Variants in PAQR5 observed in about 807,000 individuals in gnomAD.
PAQR5 encodes membrane progestin receptor gamma.
Under a neutral mutation model 34.5 loss-of-function variants are expected in PAQR5, and 20 were observed. The ratio of observed to expected loss-of-function variants is 0.58; its 90% CI spans 0.41 to 0.84. The LOEUF (loss-of-function observed/expected upper bound fraction) is 0.84. Ranked by LOEUF, PAQR5 falls within the 40% of genes least tolerant of loss-of-function variation. PAQR5 has a pLI of 0.00. For synonymous variants in PAQR5, 131 were observed against 155.6 expected, an observed-to-expected ratio of 0.84 and a Z score of 1.18; for missense variants, 378 against 412.7, an observed-to-expected ratio of 0.92 and a Z score of 0.73.
At chr15:69,345,858 A>G (rs1334646970) in intron 2 of PAQR5, among the ~76,000 whole-genome samples, 4 of 152,224 alleles carry the variant, frequency 2.6e-5, no homozygotes, top group African/African-American at 9.6e-5. Flanking sequence ...GCTTGATGCC[A>G]GGAGTTCAAG....
chr15:69,388,552 C>T (rs569428790), intron 5 of PAQR5, among the ~76,000 whole-genome samples: 5 of 152,204 alleles, frequency 3.3e-5, no homozygotes, highest in South Asian at 2.1e-4. Context: ...ATCTGCTGAG[C>T]GAATGCATCC....
At chr15:69,377,739 CA>C (rs55733912) in intron 3 of PAQR5, among the ~76,000 whole-genome samples, 123,551 of 151,994 alleles carry the variant, frequency 0.81, 52,837 homozygotes, top group Non-Finnish European at 0.96. Context: ...TTCTCAAGGC[CA>C]CATGGCACCT....
chr15:69,326,645 C>T (rs149940907), intron 1 of PAQR5, among the ~76,000 whole-genome samples: 1,790 of 152,248 alleles, frequency 0.012, 26 homozygotes, highest in East Asian at 0.049. Context: ...CCATGTTGGC[C>T]AGGCTGGTCT....
chr15:69,350,469 G>T (rs1269765031), intron 2 of PAQR5, among the ~76,000 whole-genome samples: 1 of 151,848 alleles, frequency 6.6e-6, no homozygotes, highest in Non-Finnish European at 1.5e-5. Flanking sequence ...ATGGTGAAAC[G>T]CTGTCTCTGC....
intron 1 of PAQR5, among the ~76,000 whole-genome samples, chr15:69,327,306 T>A (rs1388331152): frequency 6.6e-6 from 1 of 152,184 alleles, no homozygotes; most frequent in Non-Finnish European, 1.5e-5. Flanking sequence ...CGGATTGTTT[T>A]GTAAACACTT....
chr15:69,389,648 C>G lies in PAQR5; in HGVS notation c.386-6C>G, dbSNP rs756977819. ...TCCTCTCCCAAGGCTGGCTTTTCTT[C>G]CCCAGGCTCAGCCATTGCCTACTCT... On this transcript the variant is annotated splice_region_variant and splice_polypyrimidine_tract_variant and intron_variant, in intron 5 of 8. Transcript: ENST00000395407. 1.2e-6 allele frequency: 2 copies of G among 1,614,084 alleles called. No homozygotes were observed. The highest frequency in any genetic ancestry group is 1.7e-6 in the Non-Finnish European group (2 of 1,179,972).
chr15:69,310,297 G>A (rs1198222181), intron 1 of PAQR5, among the ~76,000 whole-genome samples: 1 of 152,088 alleles, frequency 6.6e-6, no homozygotes, highest in Non-Finnish European at 1.5e-5. Context: ...GGGTATGTGC[G>A]TTTATATTTG....
At chr15:69,312,629 T>C (rs2053857670) in intron 1 of PAQR5, among the ~76,000 whole-genome samples, 1 of 150,544 alleles carries the variant, frequency 6.6e-6, no homozygotes, top group Non-Finnish European at 1.5e-5. Context: ...CCTTCTCCTG[T>C]CCAGTCCCCC....
In PAQR5 at chr15:69,322,754, A is replaced by G. The variant is rs866002018; in HGVS notation, c.-276-14587A>G. 2.0e-3 allele frequency among the ~76,000 whole-genome samples: 58 copies of G among 28,594 alleles called. 7 individuals carry two copies. Among genetic ancestry groups the G allele is most frequent in the Middle Eastern group, 0.013 (1 of 76 alleles). The allele number at this position is 28,594 out of a possible 152,430, so 18.8% of individuals were successfully genotyped here. A position where few individuals can be genotyped will look rare whatever the true frequency, so the allele number is the denominator to read the frequency against. On this transcript the variant is annotated intron_variant, in intron 1 of 8. Coordinates refer to ENST00000395407, the MANE Select transcript of PAQR5 (RefSeq NM_017705.4). ...AAGAAGAAGAAGAAGAAGAAGAAGA[A>G]GAAGAAGAAGAAGAAGAGGGAGAAG...
At chr15:69,374,243 T>C (rs1325579607) in intron 3 of PAQR5, among the ~76,000 whole-genome samples, 1 of 152,210 alleles carries the variant, frequency 6.6e-6, no homozygotes, top group Admixed American at 6.5e-5. Flanking sequence ...GGTGTGCAAT[T>C]GTTGTTTTAT....
Position 69,300,795 on chromosome 15 carries a change from TTTCTTTCC to T in PAQR5, c.-277+1751_-277+1758del, listed in dbSNP as rs2053556091. ...CTCCCTCTCTCTCTCTCTTTCTTTC[TTTCTTTCC>T]TTCTTTCCTTCCTTCCTTCCTTCCT... On this transcript the variant is annotated intron_variant, in intron 1 of 8. Transcript: ENST00000395407. Among the ~76,000 whole-genome samples the T allele has an allele frequency of 7.1e-5, 3 of 42,002 alleles. 1 individual carries two copies. The South Asian group carries it at 3.2e-3, about 45-fold the overall frequency. The allele number at this position is 42,002 out of a possible 152,430, so 27.6% of individuals were successfully genotyped here.
intron 2 of PAQR5, among the ~76,000 whole-genome samples, chr15:69,353,031 TGTCTTCATCCCAGA>T (rs1457879768): frequency 6.6e-6 from 1 of 152,236 alleles, no homozygotes; most frequent in Non-Finnish European, 1.5e-5. Context: ...CACCCATCCC[TGTCTTCATCCCAGA>T]GTCTCATGAA....
At chr15:69,313,265 A>C (rs1220898475) in intron 1 of PAQR5, among the ~76,000 whole-genome samples, 1 of 152,204 alleles carries the variant, frequency 6.6e-6, no homozygotes, top group Non-Finnish European at 1.5e-5. Flanking sequence ...TTCAGAGGCC[A>C]AGGAGGGAGG....
chr15:69,376,918 G>C (rs2055722841), intron 3 of PAQR5, among the ~76,000 whole-genome samples: 1 of 152,220 alleles, frequency 6.6e-6, no homozygotes, highest in Non-Finnish European at 1.5e-5. Context: ...CAAACTGTGA[G>C]TGGCCTTTTC....
intron 2 of PAQR5, among the ~76,000 whole-genome samples, chr15:69,351,945 G>A (rs997580336): frequency 3.3e-5 from 5 of 152,180 alleles, no homozygotes; most frequent in African/African-American, 1.2e-4. Context: ...CCTCATTTGG[G>A]TGTGTTACTC....
At chr15:69,390,992 G>A (rs1235662977) in intron 6 of PAQR5, among the ~76,000 whole-genome samples, 1 of 152,192 alleles carries the variant, frequency 6.6e-6, no homozygotes, top group Admixed American at 6.5e-5. Flanking sequence ...GTTGTGTTGG[G>A]GTGACAGCCC....
intron 4 of PAQR5, chr15:69,382,763 T>C (rs1289848570): frequency 7.0e-6 from 1 of 142,316 alleles, no homozygotes; most frequent in African/African-American, 2.6e-5. Context: ...TATATATGTG[T>C]ATATATATGT....
chr15:69,319,158 C>CATAT (rs869082537), intron 1 of PAQR5, among the ~76,000 whole-genome samples: 2 of 4,272 alleles, frequency 4.7e-4, no homozygotes, highest in African/African-American at 5.8e-4. Context: ...TAAATATATA[C>CATAT]ATATATATAT....
intron 1 of PAQR5, among the ~76,000 whole-genome samples, chr15:69,305,445 C>T (rs1052933203): frequency 2.6e-5 from 4 of 151,998 alleles, no homozygotes; most frequent in African/African-American, 9.7e-5. Context: ...GCCCCTTGGA[C>T]CTCATGCTGA....
Sources: gnomAD v4.1 joint callset for allele counts (sites outside exome capture counted in the v4.1 genomes callset) on GRCh38, gnomAD v4.1.1 for gene constraint, MANE v1.5 for transcripts, NCBI Gene and HGNC (gene_info 2026-07-23, HGNC 2026-07-21) for gene names.